BATF2: variants seen among roughly 807,000 people sequenced by gnomAD.
BATF2 encodes basic leucine zipper transcriptional factor ATF-like 2.
BATF2 carries 4 observed loss-of-function variants against 7.3 expected under a neutral mutation model. That is an observed-to-expected ratio of 0.55 (90% CI 0.27 to 1.26). The LOEUF (loss-of-function observed/expected upper bound fraction) is 1.26, where lower values mean the gene tolerates loss of function less well. Ranked by LOEUF, BATF2 falls within the 50% of genes most tolerant of loss-of-function variation. The probability of loss-of-function intolerance (pLI) is 0.11; values close to 1 mark genes in which losing one functional copy is unlikely to be tolerated. For missense variants in BATF2, 295 were observed against 340.5 expected (o/e 0.87, Z 1.05); for synonymous variants, 152 against 153.9 (o/e 0.99, Z 0.09).
chr11:64,990,622 C>A, intron 2 of BATF2: 1 of 1,011,028 alleles, frequency 9.9e-7, no homozygotes, highest in Non-Finnish European at 1.2e-6. Context: ...TTCTAAATAA[C>A]CATTTATGAT....
rs114917233 is a variant in BATF2, at chr11:64,989,160, G to A, written c.794C>T (p.Pro265Leu). The change falls in exon 3 of 3, where the codon CCT becomes CTT. Residue 265 changes from proline to leucine, a missense_variant. Pro to Leu is a moderately conservative substitution (Grantham distance 98). Coordinates refer to ENST00000301887, the MANE Select transcript of BATF2 (RefSeq NM_138456.4). The surrounding 1 kb of genome is among the most constrained non-coding windows in gnomAD (Gnocchi z 4.3). ...DPSPHPLLAFPLLSSAQVHF is the reference protein window; with the variant it reads ...DPSPHPLLAFLLLSSAQVHF ...GTGGACTTGAGCAGAGGAGAGCAGA[G>A]GAAAGGCCAGGAGAGGGTGAGGGCT... 4.3e-6 allele frequency: 7 copies of A among 1,614,192 alleles called. No individual in the cohort carries two copies. The African/African-American group carries it at 5.3e-5, about 12-fold the overall frequency.
In BATF2 at chr11:64,989,147, A is replaced by G; in HGVS notation, c.807T>C (p.Ser269=). The G allele has an allele frequency of 1.2e-6, 2 of 1,614,160 alleles. No homozygotes were observed. Among genetic ancestry groups the G allele is most frequent in the South Asian group, 1.1e-5 (1 of 91,084 alleles). ...GACCAGGTTAGAAGTGGACTTGAGC[A>G]GAGGAGAGCAGAGGAAAGGCCAGGA... ...HPLLAFPLLS[S]AQVHF Residue 269 remains serine (S), a synonymous_variant, in exon 3 of 3, where the codon TCT becomes TCC. Transcript: ENST00000301887. This position sits in a 1 kb window ranked among gnomAD's most constrained non-coding sequence, Gnocchi z 4.3.
At position 64,989,994 on chromosome 11, in the gene BATF2, CT is replaced by C. The variant is rs1565165884; in HGVS notation, c.142-183del. 7 of 1,521,182 alleles carry C rather than the reference CT, an allele frequency of 4.6e-6. No individual in the cohort carries two copies. The highest frequency in any genetic ancestry group is 2.0e-5 in the Admixed American group (1 of 50,952). The allele number at this position is 1,521,182 out of a possible 1,614,324, so 94.2% of individuals were successfully genotyped here. A position where few individuals can be genotyped will look rare whatever the true frequency, so the allele number is the denominator to read the frequency against. On this transcript the variant is annotated intron_variant, in intron 2 of 2. Transcript: ENST00000301887. The surrounding 1 kb of genome is among the most constrained non-coding windows in gnomAD (Gnocchi z 4.3). Reference sequence around the variant, plus strand: ...TTCATAACCACCTACCAAGTCTCCCCTGTCCCACCCTCTGAAGGGGGCTCAG... The same window carrying C: ...TTCATAACCACCTACCAAGTCTCCCCGTCCCACCCTCTGAAGGGGGCTCAG...
At chr11:64,992,666 G>C (rs1233597758) in intron 2 of BATF2, among the ~76,000 whole-genome samples, 3 of 151,808 alleles carry the variant, frequency 2.0e-5, no homozygotes, top group Non-Finnish European at 4.4e-5. Context: ...TTCAAGACCA[G>C]CCTGGGCTAC....
chr11:64,988,949 G>C lies in BATF2; in HGVS notation c.*180C>G. The stretch of plus-strand genomic sequence containing the variant: ...AACTGTGAGGTTGAAATAAGATATT[G>C]GTGGTGACAGGGCCTGTCACAGTGG... On this transcript the variant is annotated 3_prime_UTR_variant, in exon 3 of 3. Transcript: ENST00000301887. The C allele has an allele frequency of 1.6e-6, 1 of 621,976 alleles. No homozygotes were observed. The allele number at this position is 621,976 out of a possible 1,614,324, so 38.5% of individuals were successfully genotyped here.
In BATF2 at chr11:64,989,279, G is replaced by C; in HGVS notation, c.675C>G (p.Asn225Lys). The stretch of plus-strand genomic sequence containing the variant: ...GTGCAAGCCCCAGGGCAGAGGAAGG[G>C]TTGTCGGGAGAGGACCCCAGCTTCC... ...TRGKLGSSPD[N>K]PSSALGLARL... The change falls in exon 3 of 3, where the codon AAC (asparagine) becomes AAG (lysine). Residue 225 changes from asparagine (N) to lysine (K), a missense_variant. Coordinates refer to ENST00000301887, the MANE Select transcript of BATF2 (RefSeq NM_138456.4). This position sits in a 1 kb window ranked among gnomAD's most constrained non-coding sequence, Gnocchi z 4.3. 6.2e-7 allele frequency: 1 copy of C among 1,600,318 alleles called. No individual in the cohort carries two copies. Among genetic ancestry groups the C allele is most frequent in the South Asian group, 1.1e-5 (1 of 89,348 alleles).
chr11:64,988,321 T>C lies in BATF2; in HGVS notation c.*808A>G, dbSNP rs1018370517. ...TGCCTGCAAATAACCTTGCACAGGG[T>C]CCTTCCTCATTCTTTCCTCTTCCTT... On this transcript the variant is annotated 3_prime_UTR_variant, in exon 3 of 3. Coordinates refer to ENST00000301887, the MANE Select transcript of BATF2 (RefSeq NM_138456.4). 1.3e-5 allele frequency: 2 copies of C among 152,254 alleles called. No individual in the cohort carries two copies. The highest frequency in any genetic ancestry group is 4.8e-5 in the African/African-American group (2 of 41,410). The allele number at this position is 152,254 out of a possible 1,614,324, so 9.4% of individuals were successfully genotyped here. A position where few individuals can be genotyped will look rare whatever the true frequency, so the allele number is the denominator to read the frequency against.
In BATF2 at chr11:64,990,382, G is replaced by A; in HGVS notation, c.142-570C>T. 4 of 1,418,716 alleles carry A rather than the reference G, an allele frequency of 2.8e-6. No individual in the cohort carries two copies. In the South Asian group the frequency reaches 5.9e-5, roughly 21 times the overall value. 87.9% of individuals were successfully genotyped at this position (1,418,716 alleles called of 1,614,324 possible). On this transcript the variant is annotated intron_variant, in intron 2 of 2. Transcript: ENST00000301887. ...GCCCTTCTCTGTGCAAATCCCAACA[G>A]GGCCTTCCCGTGGCAACCTTGATGT...
chr11:64,991,682 G>A (rs1946078734), intron 2 of BATF2, among the ~76,000 whole-genome samples: 1 of 152,106 alleles, frequency 6.6e-6, no homozygotes, highest in South Asian at 2.1e-4. Context: ...ACCACTCTAG[G>A]GACTTTTTGT....
chr11:64,996,395 T>C (rs922815205), intron 1 of BATF2, among the ~76,000 whole-genome samples: 1 of 151,996 alleles, frequency 6.6e-6, no homozygotes, highest in Non-Finnish European at 1.5e-5. Context: ...TAGCTGAGAC[T>C]ACAGACGTGC....
At chr11:64,993,186 C>A (rs1946089285) in intron 2 of BATF2, among the ~76,000 whole-genome samples, 1 of 152,026 alleles carries the variant, frequency 6.6e-6, no homozygotes, top group Non-Finnish European at 1.5e-5. Context: ...ATGGTGAAAC[C>A]CCGTCTCTGC....
At chr11:64,990,980 C>G (rs537607876) in intron 2 of BATF2, among the ~76,000 whole-genome samples, 1 of 151,086 alleles carries the variant, frequency 6.6e-6, no homozygotes, top group Non-Finnish European at 1.5e-5. Context: ...TTAGTAGAGA[C>G]GGGGTTTCAC....
At chr11:64,991,082 G>T (rs1014147784) in intron 2 of BATF2, among the ~76,000 whole-genome samples, 1 of 150,194 alleles carries the variant, frequency 6.7e-6, no homozygotes, top group Non-Finnish European at 1.5e-5. Flanking sequence ...GAGCCACCGC[G>T]CCCGGCCCTG....
intron 2 of BATF2, among the ~76,000 whole-genome samples, chr11:64,992,769 A>T (rs1448133500): frequency 2.0e-5 from 3 of 151,686 alleles, no homozygotes; most frequent in Non-Finnish European, 2.9e-5. Context: ...ACTGAGGTGG[A>T]GAGGATCGCT....
chr11:64,996,943 T>C lies in BATF2; in HGVS notation c.-29A>G. The C allele has an allele frequency of 6.4e-7, 1 of 1,563,680 alleles. No homozygotes were observed. Among genetic ancestry groups the C allele is most frequent in the Non-Finnish European group, 8.7e-7 (1 of 1,153,460 alleles). ...TTAGGCGGGGGAGCAGAGTGGTCCCTCAGCAGCTGTGACTTCCCAGTGCCC... is the reference window on the plus strand; with the variant it reads ...TTAGGCGGGGGAGCAGAGTGGTCCCCCAGCAGCTGTGACTTCCCAGTGCCC... On this transcript the variant is annotated 5_prime_UTR_variant, in exon 1 of 3. Coordinates refer to ENST00000301887, the MANE Select transcript of BATF2 (RefSeq NM_138456.4).
At chr11:64,990,076 G>A (rs766292248) in intron 2 of BATF2, 17 of 1,536,166 alleles carry the variant, frequency 1.1e-5, no homozygotes, top group Admixed American at 2.0e-5. Flanking sequence ...TTTCTCACCT[G>A]GGATATGCAC....
intron 2 of BATF2, chr11:64,990,357 G>T (rs1006588781): frequency 3.5e-6 from 5 of 1,447,780 alleles, no homozygotes; most frequent in Non-Finnish European, 3.6e-6. Context: ...CCCTTCCGCC[G>T]CCCTTCTCTG....
At chr11:64,992,922 G>A (rs559743465) in intron 2 of BATF2, among the ~76,000 whole-genome samples, 9 of 151,982 alleles carry the variant, frequency 5.9e-5, no homozygotes, top group East Asian at 1.9e-4. Flanking sequence ...ACTTTGGGAC[G>A]TGGAGGTGGG....
At chr11:64,992,755 G>A (rs1052951292) in intron 2 of BATF2, among the ~76,000 whole-genome samples, 9 of 152,020 alleles carry the variant, frequency 5.9e-5, no homozygotes, top group Admixed American at 1.3e-4. Flanking sequence ...CAGCTACTCG[G>A]GAGACTGAGG....
Sources: gnomAD v4.1 joint callset for allele counts (sites outside exome capture counted in the v4.1 genomes callset) on GRCh38, gnomAD v4.1.1 for gene constraint, Gnocchi (gnomAD v3.1) non-coding constraint, MANE v1.5 for transcripts, NCBI Gene and HGNC (gene_info 2026-07-23, HGNC 2026-07-21) for gene names.